Variants in EFHC2 observed in about 807,000 individuals in gnomAD.
EFHC2 encodes EF-hand domain containing 2.
In EFHC2, 18 loss-of-function variants were observed where a neutral mutation model predicts 52.7. The ratio of observed to expected loss-of-function variants is 0.34; its 90% CI spans 0.24 to 0.51. The LOEUF (loss-of-function observed/expected upper bound fraction) is 0.51, where lower values mean the gene tolerates loss of function less well. Ranked by LOEUF, EFHC2 falls within the 20% of genes least tolerant of loss-of-function variation. EFHC2 has a pLI of 0.97. For synonymous variants in EFHC2, 203 were observed against 204.1 expected (o/e 0.99, Z 0.04); for missense variants, 513 against 562.5 (o/e 0.91, Z 0.89).
chrX:44,166,603 A>T (rs1169669340), intron 13 of EFHC2, among the ~76,000 whole-genome samples: 1 of 111,597 alleles, frequency 9.0e-6, no homozygotes, highest in Non-Finnish European at 1.9e-5. Flanking sequence ...ACTTGAGGAG[A>T]TCATCAATAA....
At chrX:44,211,995 C>G (rs1419640045) in intron 11 of EFHC2, among the ~76,000 whole-genome samples, 2 of 109,326 alleles carry the variant, frequency 1.8e-5, no homozygotes, top group East Asian at 5.8e-4. Context: ...TACAGAGAAT[C>G]ACAATTTACT....
intron 7 of EFHC2, among the ~76,000 whole-genome samples, chrX:44,247,481 T>C (rs2037409046): frequency 9.0e-6 from 1 of 111,611 alleles, no homozygotes; most frequent in Admixed American, 9.5e-5. Flanking sequence ...GTACCCACTA[T>C]CCCAACTCCA....
intron 14 of EFHC2, among the ~76,000 whole-genome samples, chrX:44,162,315 C>T (rs1243254138): frequency 3.6e-5 from 4 of 111,157 alleles, no homozygotes; most frequent in African/African-American, 3.3e-5. Flanking sequence ...CCCAGCTATT[C>T]GGGAGGCTGA....
chrX:44,149,945 G>T (rs2036557073), intron 14 of EFHC2, among the ~76,000 whole-genome samples: 1 of 112,120 alleles, frequency 8.9e-6, no homozygotes, highest in Non-Finnish European at 1.9e-5. Context: ...ATTTGTGTGT[G>T]TGTGTGTACA....
intron 1 of EFHC2, among the ~76,000 whole-genome samples, chrX:44,338,570 C>T (rs1463432633): frequency 9.1e-6 from 1 of 110,000 alleles, no homozygotes; most frequent in Non-Finnish European, 1.9e-5. Flanking sequence ...ATTGCACAAC[C>T]ACAGTAATAG....
At chrX:44,190,558 CTTATT>C (rs2036911914) in intron 11 of EFHC2, among the ~76,000 whole-genome samples, 1 of 111,424 alleles carries the variant, frequency 9.0e-6, no homozygotes, top group African/African-American at 3.3e-5. Context: ...CTCCTGTCAT[CTTATT>C]TTGTGTTTTC....
chrX:44,229,054 G>T (rs2037254924), intron 11 of EFHC2, among the ~76,000 whole-genome samples: 1 of 112,106 alleles, frequency 8.9e-6, no homozygotes, highest in Admixed American at 9.5e-5. Context: ...CCACTGGATA[G>T]TCCCAGAATT....
intron 1 of EFHC2, among the ~76,000 whole-genome samples, chrX:44,331,037 T>A (rs1240390746): frequency 2.7e-5 from 3 of 112,282 alleles, no homozygotes. Flanking sequence ...TGGGCTCTTA[T>A]CCTAGAGAAA....
chrX:44,181,810 A>G (rs1602138501), intron 11 of EFHC2, among the ~76,000 whole-genome samples: 2 of 112,644 alleles, frequency 1.8e-5, no homozygotes, highest in East Asian at 5.6e-4. Context: ...CAGACCTCAG[A>G]TGGCTGTCAC....
chrX:44,218,197 A>C (rs954299770), intron 11 of EFHC2, among the ~76,000 whole-genome samples: 6 of 111,627 alleles, frequency 5.4e-5, no homozygotes, highest in Non-Finnish European at 9.4e-5. Context: ...CAGTTAACTA[A>C]GATATTATTT....
chrX:44,310,422 G>T, intron 2 of EFHC2: 1 of 979,567 alleles, frequency 1.0e-6, no homozygotes, highest in Non-Finnish European at 1.4e-6. Context: ...AGCGGCGAGA[G>T]CTGCAGCTGC....
intron 13 of EFHC2, among the ~76,000 whole-genome samples, chrX:44,169,147 G>A (rs2036723548): frequency 8.9e-6 from 1 of 111,757 alleles, no homozygotes; most frequent in African/African-American, 3.2e-5. Flanking sequence ...TAATATGATA[G>A]TAAAAGATGC....
rs199843416 is a variant in EFHC2, at chrX:44,170,363, AG to A, written c.2042+5928del. ...ATGCACTCTATACACCATGCTTGTT[AG>A]ATGAGGTTGTAAGGAGAGAATCAGG... On this transcript the variant is annotated intron_variant, in intron 13 of 14. Coordinates refer to ENST00000420999, the MANE Select transcript of EFHC2 (RefSeq NM_025184.4). Among the ~76,000 whole-genome samples the A allele has an allele frequency of 3.5e-3, 394 of 111,515 alleles. 4 individuals carry two copies. The highest frequency in any genetic ancestry group is 0.028 in the Middle Eastern group (6 of 217).
At chrX:44,262,143 C>G (rs752935001) in intron 3 of EFHC2, among the ~76,000 whole-genome samples, 1 of 110,431 alleles carries the variant, frequency 9.1e-6, no homozygotes, top group Non-Finnish European at 1.9e-5. Context: ...ATGAGTGTAC[C>G]AACTATACCA....
rs745346153 is a variant in EFHC2, at chrX:44,248,462, C to A, written c.973-52G>T. ...TGGCACCATGGACCCTCCAAAGAACCAGGAACCCCTTCCCAGAGAAAAAAA... is the reference window on the plus strand; with the variant it reads ...TGGCACCATGGACCCTCCAAAGAACAAGGAACCCCTTCCCAGAGAAAAAAA... On this transcript the variant is annotated intron_variant, in intron 6 of 14. Transcript: ENST00000420999. The A allele has an allele frequency of 7.1e-6, 8 of 1,128,333 alleles. No individual in the cohort carries two copies. In the South Asian group the frequency reaches 1.7e-4, roughly 23 times the overall value. The allele number at this position is 1,128,333 out of a possible 1,213,427, so 93.0% of individuals were successfully genotyped here.
At chrX:44,204,956 G>A (rs749073393) in intron 11 of EFHC2, among the ~76,000 whole-genome samples, 3 of 111,401 alleles carry the variant, frequency 2.7e-5, no homozygotes, top group Admixed American at 9.5e-5. Flanking sequence ...CAAAACATAA[G>A]GAAAAATTTT....
At chrX:44,326,832 G>A (rs759210972) in intron 1 of EFHC2, among the ~76,000 whole-genome samples, 89 of 102,493 alleles carry the variant, frequency 8.7e-4, no homozygotes, top group Admixed American at 5.7e-3. Context: ...GGGCTCAAGC[G>A]ATCCTCCCAC....
At chrX:44,291,016 C>T in intron 2 of EFHC2, among the ~76,000 whole-genome samples, 1 of 111,999 alleles carries the variant, frequency 8.9e-6, no homozygotes, top group Non-Finnish European at 1.9e-5. Context: ...CTTTCAGTAT[C>T]ATCCCATCTG....
chrX:44,196,357 G>A (rs1377298000), intron 11 of EFHC2, among the ~76,000 whole-genome samples: 2 of 112,057 alleles, frequency 1.8e-5, no homozygotes, highest in African/African-American at 6.5e-5. Context: ...CTGTATGCCA[G>A]CCCCACTCCT....
Sources: gnomAD v4.1 joint callset for allele counts (sites outside exome capture counted in the v4.1 genomes callset) on GRCh38, gnomAD v4.1.1 for gene constraint, MANE v1.5 for transcripts, NCBI Gene and HGNC (gene_info 2026-07-23, HGNC 2026-07-21) for gene names.